SH3RF1: variants seen among roughly 807,000 people sequenced by gnomAD.
The protein encoded by SH3RF1 is E3 ubiquitin-protein ligase SH3RF1.
A neutral mutation model predicts 74.0 loss-of-function variants in SH3RF1; 32 were observed. The observed-to-expected ratio is 0.43, with a 90% CI of 0.33 to 0.58. The LOEUF is 0.58. SH3RF1 is among the 20% of genes least tolerant of loss of function. The probability of loss-of-function intolerance (pLI) is 0.05; values close to 1 mark genes in which losing one functional copy is unlikely to be tolerated. For synonymous variants in SH3RF1, 396 were observed against 439.6 expected (o/e 0.90, Z 1.24); for missense variants, 954 against 1,130.9 (o/e 0.84, Z 2.24).
intron 2 of SH3RF1, among the ~76,000 whole-genome samples, chr4:169,209,745 T>C (rs926294924): frequency 2.0e-5 from 3 of 152,200 alleles, no homozygotes; most frequent in African/African-American, 7.2e-5. Context: ...AAAGTGTTGG[T>C]GCAATTCATG....
intron 2 of SH3RF1, among the ~76,000 whole-genome samples, chr4:169,218,294 A>G (rs1302009148): frequency 7.9e-6 from 1 of 126,064 alleles, no homozygotes; most frequent in Non-Finnish European, 1.6e-5. Context: ...TATATAATAT[A>G]TAATATAAAT....
At chr4:169,224,252 C>T (rs534828259) in intron 2 of SH3RF1, among the ~76,000 whole-genome samples, 1 of 151,942 alleles carries the variant, frequency 6.6e-6, no homozygotes, top group African/African-American at 2.4e-5. Context: ...AAGGAAGAAG[C>T]CAGTAGAGAG....
intron 11 of SH3RF1, among the ~76,000 whole-genome samples, chr4:169,101,858 G>A (rs1297791670): frequency 6.6e-6 from 1 of 152,010 alleles, no homozygotes; most frequent in Non-Finnish European, 1.5e-5. Context: ...TCAACTTTTG[G>A]TGATAACTGC....
Position 169,146,106 on chromosome 4 carries a change from TTATATATTC to T in SH3RF1, c.765+9365_765+9373del, listed in dbSNP as rs1423721100. Among the ~76,000 whole-genome samples the T allele has an allele frequency of 2.4e-4, 25 of 105,460 alleles. 1 individual carries two copies. In the South Asian group the frequency reaches 6.2e-3, roughly 26 times the overall value. 69.2% of individuals were successfully genotyped at this position (105,460 alleles called of 152,430 possible). On this transcript the variant is annotated intron_variant, in intron 4 of 11. Transcript: ENST00000284637. ...TATTCTATATATTCTATATAAAATG[TTATATATTC>T]TATATATTCTATATATTATATATCT...
intron 2 of SH3RF1, among the ~76,000 whole-genome samples, chr4:169,242,445 T>TA: frequency 6.6e-6 from 1 of 152,242 alleles, no homozygotes; most frequent in South Asian, 2.1e-4. Context: ...GATTTGCACT[T>TA]ACATTTTGGA....
intron 2 of SH3RF1, among the ~76,000 whole-genome samples, chr4:169,221,869 T>C (rs2127002090): frequency 6.6e-6 from 1 of 152,282 alleles, no homozygotes; most frequent in South Asian, 2.1e-4. Context: ...GTACAAACAG[T>C]GAACTGCTAA....
intron 8 of SH3RF1, among the ~76,000 whole-genome samples, chr4:169,118,771 T>A (rs1733386705): frequency 2.0e-5 from 3 of 152,214 alleles, no homozygotes; most frequent in Non-Finnish European, 4.4e-5. Flanking sequence ...TATTATTTTT[T>A]AAATAAATTC....
intron 10 of SH3RF1, among the ~76,000 whole-genome samples, chr4:169,111,877 C>T (rs1733251232): frequency 6.6e-6 from 1 of 152,188 alleles, no homozygotes; most frequent in African/African-American, 2.4e-5. Context: ...CCAAAGTTAG[C>T]TAGAGATTTT....
intron 2 of SH3RF1, among the ~76,000 whole-genome samples, chr4:169,202,212 C>T (rs961735255): frequency 2.0e-5 from 3 of 152,036 alleles, no homozygotes; most frequent in South Asian, 2.1e-4. Flanking sequence ...TTCTTGGTGC[C>T]GGGAAGACAA....
chr4:169,214,652 T>C (rs925485397), intron 2 of SH3RF1, among the ~76,000 whole-genome samples: 1 of 152,234 alleles, frequency 6.6e-6, no homozygotes, highest in African/African-American at 2.4e-5. Flanking sequence ...GTTAGCTTTA[T>C]AGCTATAAGT....
intron 11 of SH3RF1, among the ~76,000 whole-genome samples, chr4:169,103,783 G>A (rs1349936368): frequency 6.6e-6 from 1 of 152,062 alleles, no homozygotes; most frequent in Non-Finnish European, 1.5e-5. Context: ...TGGTCAGATT[G>A]GCTATTATAT....
At chr4:169,234,704 T>C (rs1323081849) in intron 2 of SH3RF1, among the ~76,000 whole-genome samples, 4 of 152,238 alleles carry the variant, frequency 2.6e-5, no homozygotes, top group African/African-American at 4.8e-5. Flanking sequence ...TGATATTTAC[T>C]GCAAGCATCA....
intron 4 of SH3RF1, among the ~76,000 whole-genome samples, chr4:169,150,182 T>G (rs1039642460): frequency 2.0e-5 from 3 of 152,250 alleles, no homozygotes; most frequent in Admixed American, 6.5e-5. Context: ...AATTGTACAC[T>G]TTAAATATGT....
At chr4:169,267,447 A>C (rs950233862) in intron 2 of SH3RF1, among the ~76,000 whole-genome samples, 3 of 152,238 alleles carry the variant, frequency 2.0e-5, no homozygotes, top group African/African-American at 7.2e-5. Context: ...ATTCGAGTCC[A>C]AATAAGTAAA....
intron 2 of SH3RF1, among the ~76,000 whole-genome samples, chr4:169,214,251 C>T (rs1235386459): frequency 6.6e-6 from 1 of 152,180 alleles, no homozygotes; most frequent in Non-Finnish European, 1.5e-5. Context: ...TCTCTTGCTT[C>T]TGCTCTTGCC....
intron 8 of SH3RF1, among the ~76,000 whole-genome samples, chr4:169,119,996 C>T (rs757488315): frequency 1.3e-5 from 2 of 152,118 alleles, no homozygotes; most frequent in African/African-American, 2.4e-5. Flanking sequence ...ATCTAAAGCT[C>T]CTGTCACTCT....
intron 10 of SH3RF1, among the ~76,000 whole-genome samples, chr4:169,107,998 A>G (rs568166353): frequency 6.6e-6 from 1 of 152,352 alleles, no homozygotes; most frequent in Non-Finnish European, 1.5e-5. Context: ...TCAATTCCAC[A>G]GAAGCCATCT....
chr4:169,165,358 G>T (rs1029024017), intron 2 of SH3RF1, among the ~76,000 whole-genome samples: 1 of 152,066 alleles, frequency 6.6e-6, no homozygotes, highest in Non-Finnish European at 1.5e-5. Context: ...AGGGAGAGGG[G>T]TGTGTTGAGA....
At chr4:169,223,895 G>A (rs2127003186) in intron 2 of SH3RF1, among the ~76,000 whole-genome samples, 1 of 152,326 alleles carries the variant, frequency 6.6e-6, no homozygotes, top group Non-Finnish European at 1.5e-5. Context: ...GGGCAGAACA[G>A]TTGGGCATAT....
Sources: allele counts gnomAD v4.1 joint callset (sites outside exome capture counted in the v4.1 genomes callset), GRCh38; gene constraint gnomAD v4.1.1; transcripts MANE v1.5; gene names NCBI Gene and HGNC (gene_info 2026-07-23, HGNC 2026-07-21).